GRID2: variants seen among roughly 807,000 people sequenced by gnomAD.
GRID2 encodes the protein glutamate receptor ionotropic, delta-2.
GRID2 carries 33 observed loss-of-function variants against 114.8 expected under a neutral mutation model. The ratio of observed to expected loss-of-function variants is 0.29; its 90% CI spans 0.22 to 0.38. The LOEUF is 0.38. Among genes scored for constraint, GRID2 ranks in the 10% least tolerant of loss-of-function variants. The pLI, the probability that GRID2 is intolerant of heterozygous loss-of-function variation, is 1.00. For missense variants in GRID2, 1,184 were observed against 1,257.7 expected (o/e 0.94, Z 0.89); for synonymous variants, 505 against 449.9 (o/e 1.12, Z -1.55).
At chr4:93,365,722 T>A (rs932465241) in intron 8 of GRID2, among the ~76,000 whole-genome samples, 1 of 152,140 alleles carries the variant, frequency 6.6e-6, no homozygotes, top group African/African-American at 2.4e-5. Flanking sequence ...GCTTGCTGCT[T>A]ACTTGGCCAT....
At chr4:92,972,203 A>AT (rs748827964) in intron 2 of GRID2, among the ~76,000 whole-genome samples, 9,039 of 140,310 alleles carry the variant, frequency 0.064, 330 homozygotes, top group African/African-American at 0.11. Context: ...CTTTGCTAGC[A>AT]TTTTTTTTTT....
At chr4:93,003,096 C>T (rs1405684365) in intron 2 of GRID2, among the ~76,000 whole-genome samples, 1 of 151,854 alleles carries the variant, frequency 6.6e-6, no homozygotes. Context: ...ATCACATTGG[C>T]AGTGTCTTTT....
intron 13 of GRID2, among the ~76,000 whole-genome samples, chr4:93,558,235 A>G (rs894745352): frequency 2.6e-5 from 4 of 152,198 alleles, no homozygotes; most frequent in Non-Finnish European, 4.4e-5. Context: ...AATAACTAAG[A>G]TCAGAGCACA....
intron 14 of GRID2, among the ~76,000 whole-genome samples, chr4:93,736,254 T>C (rs993312531): frequency 6.6e-6 from 1 of 151,986 alleles, no homozygotes; most frequent in Non-Finnish European, 1.5e-5. Context: ...TTAATAGAAA[T>C]GTCCTTATAT....
At chr4:92,517,655 G>A (rs191915998) in intron 1 of GRID2, among the ~76,000 whole-genome samples, 15 of 151,990 alleles carry the variant, frequency 9.9e-5, no homozygotes, top group Non-Finnish European at 2.2e-4. Context: ...TGTGCCTTCA[G>A]TCAGCTACAT....
At chr4:93,608,296 CT>C (rs774334616) in intron 13 of GRID2, among the ~76,000 whole-genome samples, 5 of 117,008 alleles carry the variant, frequency 4.3e-5, no homozygotes, top group African/African-American at 3.4e-5. Flanking sequence ...ATTTTTTTTT[CT>C]TTTTTTTTTT....
chr4:93,520,814 T>G (rs1320641637), intron 13 of GRID2, among the ~76,000 whole-genome samples: 2 of 152,204 alleles, frequency 1.3e-5, no homozygotes, highest in African/African-American at 4.8e-5. Context: ...TGAGTGATTT[T>G]AATGACCTTA....
chr4:92,634,747 CTTTT>C (rs3077529), intron 2 of GRID2, among the ~76,000 whole-genome samples: 3 of 121,202 alleles, frequency 2.5e-5, no homozygotes, highest in African/African-American at 6.2e-5. Context: ...TTTTTTTTTT[CTTTT>C]TTTTTTTTTT....
chr4:93,083,574 T>C lies in GRID2; in HGVS notation c.245-1421T>C, dbSNP rs552500637. On this transcript the variant is annotated intron_variant, in intron 2 of 15. Coordinates refer to ENST00000282020, the MANE Select transcript of GRID2 (RefSeq NM_001510.4). ...AGCTGGGCTTGGTGGCACAGGCCTG[T>C]AATCCCACCTACTCAGGAGGCTGAG... 4.6e-5 allele frequency among the ~76,000 whole-genome samples: 7 copies of C among 151,210 alleles called. No individual in the cohort carries two copies. In the South Asian group the frequency reaches 1.5e-3, roughly 31 times the overall value.
chr4:93,738,006 C>T (rs1393739999), intron 14 of GRID2, among the ~76,000 whole-genome samples: 2 of 152,088 alleles, frequency 1.3e-5, no homozygotes, highest in African/African-American at 4.8e-5. Flanking sequence ...ATATGACTTG[C>T]TTTGGCCAAG....
At chr4:93,638,299 A>ATTTTTTTTTTT (rs1446023634) in intron 14 of GRID2, among the ~76,000 whole-genome samples, 4 of 84,138 alleles carry the variant, frequency 4.8e-5, no homozygotes, top group Non-Finnish European at 9.8e-5. Context: ...TAAAACTTGC[A>ATTTTTTTTTTT]TCTTTTTTTT....
At chr4:93,502,059 T>C (rs1052606741) in intron 12 of GRID2, among the ~76,000 whole-genome samples, 9 of 152,094 alleles carry the variant, frequency 5.9e-5, no homozygotes, top group African/African-American at 2.2e-4. Flanking sequence ...GCTTAGTCAT[T>C]GTGGAGGACA....
chr4:92,906,472 C>G (rs971159857), intron 2 of GRID2, among the ~76,000 whole-genome samples: 3 of 133,508 alleles, frequency 2.2e-5, no homozygotes, highest in Non-Finnish European at 5.0e-5. Context: ...AGCTTTCATG[C>G]CCCTCAGGCT....
At chr4:92,417,794 C>A (rs940659032) in intron 1 of GRID2, among the ~76,000 whole-genome samples, 1 of 152,092 alleles carries the variant, frequency 6.6e-6, no homozygotes, top group East Asian at 1.9e-4. Context: ...ATGGGACGGA[C>A]CCAGTAGGAA....
intron 11 of GRID2, among the ~76,000 whole-genome samples, chr4:93,464,619 T>C (rs1295978447): frequency 2.0e-5 from 3 of 152,214 alleles, no homozygotes; most frequent in African/African-American, 7.2e-5. Context: ...TAGAGAAGTA[T>C]AAATACACAT....
At chr4:93,210,560 T>G (rs1464861868) in intron 5 of GRID2, among the ~76,000 whole-genome samples, 5 of 152,094 alleles carry the variant, frequency 3.3e-5, no homozygotes, top group African/African-American at 1.2e-4. Flanking sequence ...TAGGATTTTG[T>G]TTTTTGATAC....
chr4:93,734,301 A>T (rs376372094), intron 14 of GRID2, among the ~76,000 whole-genome samples: 2 of 152,002 alleles, frequency 1.3e-5, no homozygotes, highest in Admixed American at 6.6e-5. Flanking sequence ...TCCTTAGAAT[A>T]AGTAGTCATG....
At chr4:92,923,918 T>C (rs1749583772) in intron 2 of GRID2, among the ~76,000 whole-genome samples, 1 of 152,210 alleles carries the variant, frequency 6.6e-6, no homozygotes, top group South Asian at 2.1e-4. Flanking sequence ...CAAAGGATTA[T>C]AAATCATGCT....
chr4:93,085,933 G>A (rs1293074293), intron 3 of GRID2, among the ~76,000 whole-genome samples: 1 of 152,086 alleles, frequency 6.6e-6, no homozygotes, highest in Non-Finnish European at 1.5e-5. Flanking sequence ...AAAATGCTTT[G>A]TCTCAGTATA....
Sources: allele counts gnomAD v4.1 joint callset (sites outside exome capture counted in the v4.1 genomes callset), GRCh38; gene constraint gnomAD v4.1.1; transcripts MANE v1.5; gene names NCBI Gene and HGNC (gene_info 2026-07-23, HGNC 2026-07-21).